The following RBM20 variants were observed in gnomAD, a reference collection of about 807,000 sequenced individuals.
The protein encoded by RBM20 is RNA-binding protein 20.
Under a neutral mutation model 110.1 loss-of-function variants are expected in RBM20, and 51 were observed. The observed-to-expected ratio is 0.46, with a 90% confidence interval of 0.37 to 0.59. The LOEUF is 0.59. Among genes scored for constraint, RBM20 ranks in the 20% least tolerant of loss-of-function variants. RBM20 has a pLI of 0.00. For synonymous variants in RBM20, 589 were observed against 618.2 expected (o/e 0.95, Z 0.70); for missense variants, 1,512 against 1,574.9 (o/e 0.96, Z 0.68).
At chr10:110,657,805 G>T (rs150541952) in intron 1 of RBM20, among the ~76,000 whole-genome samples, 2,684 of 152,218 alleles carry the variant, frequency 0.018, 31 homozygotes, top group Non-Finnish European at 0.026. Flanking sequence ...GTCTTTATCT[G>T]GACATATCTT....
chr10:110,833,187 G>A (rs967402236), intron 13 of RBM20, among the ~76,000 whole-genome samples: 4 of 151,652 alleles, frequency 2.6e-5, no homozygotes, highest in African/African-American at 9.7e-5. Context: ...TCAGGAATTC[G>A]AGACCAGCCT....
chr10:110,681,153 A>G (rs1204713000), intron 1 of RBM20, among the ~76,000 whole-genome samples: 1 of 151,680 alleles, frequency 6.6e-6, no homozygotes, highest in Non-Finnish European at 1.5e-5. Flanking sequence ...AAGGCATTTC[A>G]CTCCCTTGTC....
intron 13 of RBM20, among the ~76,000 whole-genome samples, chr10:110,834,337 T>C (rs747647055): frequency 2.6e-5 from 4 of 152,232 alleles, no homozygotes; most frequent in Admixed American, 6.5e-5. Flanking sequence ...GCTGCACCCG[T>C]TTCTGGAAGC....
chr10:110,830,662 C>T (rs73360830), intron 12 of RBM20, among the ~76,000 whole-genome samples: 3,780 of 152,168 alleles, frequency 0.025, 146 homozygotes, highest in African/African-American at 0.087. Context: ...TCGAGAGTCC[C>T]GGTCACAGCA....
intron 1 of RBM20, among the ~76,000 whole-genome samples, chr10:110,755,144 C>A (rs1458386581): frequency 6.6e-6 from 1 of 152,082 alleles, no homozygotes; most frequent in African/African-American, 2.4e-5. Flanking sequence ...CTCTCTGGGC[C>A]TATGGGTTTG....
At chr10:110,774,955 A>G (rs532401709) in intron 1 of RBM20, among the ~76,000 whole-genome samples, 1 of 152,360 alleles carries the variant, frequency 6.6e-6, no homozygotes, top group East Asian at 1.9e-4. Context: ...AATTCCCACC[A>G]AAATACCATA....
At chr10:110,791,522 G>A (rs1844483497) in intron 5 of RBM20, among the ~76,000 whole-genome samples, 1 of 152,144 alleles carries the variant, frequency 6.6e-6, no homozygotes, top group South Asian at 2.1e-4. Context: ...ATCTGTGAAG[G>A]CTATTTCTAC....
chr10:110,804,897 A>G (rs928581799), intron 7 of RBM20, among the ~76,000 whole-genome samples: 3 of 152,154 alleles, frequency 2.0e-5, no homozygotes, highest in African/African-American at 7.2e-5. Context: ...ATTCTCTTCA[A>G]TAGGCTTCGG....
At chr10:110,826,244 G>T (rs1332804504) in intron 12 of RBM20, among the ~76,000 whole-genome samples, 5 of 152,040 alleles carry the variant, frequency 3.3e-5, no homozygotes, top group Non-Finnish European at 7.4e-5. Context: ...TTTAAAATTG[G>T]CTCTATTGAG....
intron 1 of RBM20, among the ~76,000 whole-genome samples, chr10:110,653,360 C>T (rs1564806392): frequency 6.6e-6 from 1 of 152,150 alleles, no homozygotes; most frequent in Non-Finnish European, 1.5e-5. Flanking sequence ...TGCATTCTTG[C>T]TTGCCCTTGA....
At chr10:110,707,773 T>A (rs1171550525) in intron 1 of RBM20, among the ~76,000 whole-genome samples, 3 of 152,030 alleles carry the variant, frequency 2.0e-5, no homozygotes, top group Non-Finnish European at 4.4e-5. Context: ...GGGTAGAAAG[T>A]GGGGATGGTT....
At chr10:110,718,472 A>G (rs12785034) in intron 1 of RBM20, among the ~76,000 whole-genome samples, 1 of 150,748 alleles carries the variant, frequency 6.6e-6, no homozygotes, top group Non-Finnish European at 1.5e-5. Context: ...TTCTATCTGT[A>G]TGTTTGTATA....
intron 1 of RBM20, among the ~76,000 whole-genome samples, chr10:110,684,877 G>GCCGGC (rs1862479698): frequency 6.6e-6 from 1 of 152,172 alleles, no homozygotes; most frequent in Non-Finnish European, 1.5e-5. Context: ...GGAGCACTCC[G>GCCGGC]CCGGCCCTGC....
rs1478721868 is a variant in RBM20 at position 110,781,295 on chromosome 10, A to G, written c.686A>G (p.Tyr229Cys). Residue 229 changes from tyrosine (Y) to cysteine (C), a missense_variant, in exon 2 of 14, where the codon TAT becomes TGT. Physicochemically the swap from Tyr to Cys is radical, Grantham distance 194. Coordinates refer to ENST00000369519, the MANE Select transcript of RBM20 (RefSeq NM_001134363.3). ...CCTGCTCCAGCTACAGCAGGATTCT[A>G]TGAGTATGGCAAAGCCAGCTCTGGC... Reference protein sequence around the residue: ...TGPAPATAGFYEYGKASSGQT... With the variant: ...TGPAPATAGFCEYGKASSGQT... The G allele has an allele frequency of 5.2e-6, 8 of 1,551,552 alleles. No individual in the cohort carries two copies. Among genetic ancestry groups the G allele is most frequent in the Non-Finnish European group, 7.0e-6 (8 of 1,146,982 alleles).
intron 1 of RBM20, among the ~76,000 whole-genome samples, chr10:110,703,914 C>A (rs1296887060): frequency 6.6e-6 from 1 of 152,164 alleles, no homozygotes; most frequent in African/African-American, 2.4e-5. Flanking sequence ...GAGTTCGAGA[C>A]CAGCCTGGCC....
chr10:110,662,087 A>G (rs1185382639), intron 1 of RBM20, among the ~76,000 whole-genome samples: 1 of 151,928 alleles, frequency 6.6e-6, no homozygotes, highest in Non-Finnish European at 1.5e-5. Flanking sequence ...GAGGACGCTC[A>G]AGGGAGATGA....
At chr10:110,654,630 G>A (rs1187316144) in intron 1 of RBM20, among the ~76,000 whole-genome samples, 1 of 152,156 alleles carries the variant, frequency 6.6e-6, no homozygotes, top group South Asian at 2.1e-4. Flanking sequence ...GCTGGTCAGT[G>A]ACTAGCAGTT....
chr10:110,702,993 T>G (rs1299289930), intron 1 of RBM20, among the ~76,000 whole-genome samples: 1 of 54,244 alleles, frequency 1.8e-5, no homozygotes, highest in Non-Finnish European at 3.3e-5. Context: ...TTTTTCTTGT[T>G]TTTTTTTTTG....
chr10:110,698,574 C>T (rs1198489326), intron 1 of RBM20, among the ~76,000 whole-genome samples: 1 of 152,196 alleles, frequency 6.6e-6, no homozygotes, highest in Non-Finnish European at 1.5e-5. Flanking sequence ...GGAGCTTCTC[C>T]TCTTACAGCC....
Sources: allele counts gnomAD v4.1 joint callset (sites outside exome capture counted in the v4.1 genomes callset), GRCh38; gene constraint gnomAD v4.1.1; transcripts MANE v1.5; gene names NCBI Gene and HGNC (gene_info 2026-07-23, HGNC 2026-07-21).